Variants in MRTFA observed in about 807,000 individuals in gnomAD.
MRTFA encodes myocardin-related transcription factor A.
Under a neutral mutation model 83.5 loss-of-function variants are expected in MRTFA, and 20 were observed. The ratio of observed to expected loss-of-function variants is 0.24; its 90% CI spans 0.17 to 0.35. The LOEUF (loss-of-function observed/expected upper bound fraction) is 0.35, where lower values mean the gene tolerates loss of function less well. Ranked by LOEUF, MRTFA falls within the 10% of genes least tolerant of loss-of-function variation. The pLI, the probability that MRTFA is intolerant of heterozygous loss-of-function variation, is 1.00. For synonymous variants in MRTFA, 659 were observed against 541.2 expected (o/e 1.22, Z -3.02); for missense variants, 1,200 against 1,224.7 (o/e 0.98, Z 0.30).
rs546756737 is a variant in MRTFA, at chr22:40,554,832, A to C, written c.-21-2465T>G. ...ATGGTAGAGCCACCAGCAGCATGCA[A>C]CCTCAGCGTGGAAAAGCCACAGGGG... On this transcript the variant is annotated intron_variant, in intron 2 of 14. Coordinates refer to ENST00000355630, the MANE Select transcript of MRTFA (RefSeq NM_020831.6). Among the ~76,000 whole-genome samples the C allele has an allele frequency of 3.3e-5, 5 of 152,340 alleles. No homozygotes were observed. The South Asian group carries it at 8.3e-4, about 25-fold the overall frequency.
At chr22:40,475,916 G>A (rs1161964767) in intron 3 of MRTFA, among the ~76,000 whole-genome samples, 15 of 152,204 alleles carry the variant, frequency 9.9e-5, no homozygotes, top group Admixed American at 5.9e-4. Flanking sequence ...AGGCCGAGGC[G>A]GGTGGATCAC....
At chr22:40,460,004 G>A (rs903699338) in intron 4 of MRTFA, among the ~76,000 whole-genome samples, 3 of 151,508 alleles carry the variant, frequency 2.0e-5, no homozygotes, top group Non-Finnish European at 4.4e-5. Context: ...GTGCGGTGGT[G>A]CAAACTCGGC....
intron 3 of MRTFA, among the ~76,000 whole-genome samples, chr22:40,544,185 A>C (rs2055330357): frequency 6.6e-6 from 1 of 152,226 alleles, no homozygotes; most frequent in African/African-American, 2.4e-5. Flanking sequence ...AAAACTCATA[A>C]ACTATAAAAG....
chr22:40,420,365 C>T (rs932632071), intron 11 of MRTFA, 40 bp downstream of exon 11: 2 of 1,596,050 alleles, frequency 1.3e-6, no homozygotes, highest in Admixed American at 1.7e-5. Flanking sequence ...GTGGGAAGGG[C>T]CAGGCTGGCA....
intron 2 of MRTFA, among the ~76,000 whole-genome samples, chr22:40,566,388 T>A (rs1477577532): frequency 6.6e-6 from 1 of 152,000 alleles, no homozygotes; most frequent in Non-Finnish European, 1.5e-5. Context: ...CCTGGCTAAT[T>A]TTTTTGCATT....
chr22:40,414,167 C>G (rs1398454822), intron 14 of MRTFA, among the ~76,000 whole-genome samples: 1 of 152,074 alleles, frequency 6.6e-6, no homozygotes, highest in Non-Finnish European at 1.5e-5. Flanking sequence ...AGTGAAACCC[C>G]GTCTCTACTA....
Position 40,515,744 on chromosome 22 carries a change from T to G in MRTFA, c.241+36362A>C, listed in dbSNP as rs375240335. Among the ~76,000 whole-genome samples, 7 of 152,250 alleles carry G rather than the reference T, an allele frequency of 4.6e-5. No individual in the cohort carries two copies. In the South Asian group the frequency reaches 8.3e-4, roughly 18 times the overall value. ...AATGCAGCCATGCATATCAGGAAAC[T>G]CGCCTACCAGTATATAAGGACAAAT... On this transcript the variant is annotated intron_variant, in intron 3 of 14. Coordinates refer to ENST00000355630, the MANE Select transcript of MRTFA (RefSeq NM_020831.6).
chr22:40,442,161 A>G (rs2053289318), intron 4 of MRTFA, among the ~76,000 whole-genome samples: 1 of 152,100 alleles, frequency 6.6e-6, no homozygotes, highest in Non-Finnish European at 1.5e-5. Context: ...TCATTATGAA[A>G]CCTCATTTCC....
rs116655036 is a variant in MRTFA at position 40,428,896 on chromosome 22, G to A, written c.601+710C>T. Among the ~76,000 whole-genome samples, 1,486 of 151,968 alleles carry A rather than the reference G, an allele frequency of 9.8e-3. 23 individuals carry two copies. Among genetic ancestry groups the A allele is most frequent in the African/African-American group, 0.035 (1,435 of 41,422 alleles). ...CTGGAGCACCGTCCTCTCCTCCCTCGTCCCACCCTCTCCCACACGCTTTCA... is the reference window on the plus strand; with the variant it reads ...CTGGAGCACCGTCCTCTCCTCCCTCATCCCACCCTCTCCCACACGCTTTCA... On this transcript the variant is annotated intron_variant, in intron 7 of 14. Transcript: ENST00000355630.
At chr22:40,551,372 T>C (rs2055441980) in intron 3 of MRTFA, among the ~76,000 whole-genome samples, 1 of 152,098 alleles carries the variant, frequency 6.6e-6, no homozygotes, top group South Asian at 2.1e-4. Context: ...TATTTGTTTG[T>C]TTGTTTGTTT....
In MRTFA at chr22:40,602,780, G is replaced by A. The variant is rs1473624149; in HGVS notation, c.-83-8045C>T. On this transcript the variant is annotated intron_variant, in intron 1 of 14. Coordinates refer to ENST00000355630, the MANE Select transcript of MRTFA (RefSeq NM_020831.6). ...GACATTCACTTGAACCCAGGAGGTG[G>A]AGGTTGCAGCGAGCCAAGATCACAC... 2.0e-5 allele frequency among the ~76,000 whole-genome samples: 3 copies of A among 152,082 alleles called. No individual in the cohort carries two copies. In the East Asian group the frequency reaches 5.8e-4, roughly 29 times the overall value.
chr22:40,577,193 A>C (rs2055879305), intron 2 of MRTFA, among the ~76,000 whole-genome samples: 1 of 148,746 alleles, frequency 6.7e-6, no homozygotes, highest in Non-Finnish European at 1.5e-5. Flanking sequence ...ACTGCACTGC[A>C]CTCATGCACT....
Position 40,411,711 on chromosome 22 carries a change from G to A in MRTFA, c.2775C>T (p.Pro925=). 6.3e-7 allele frequency: 1 copy of A among 1,579,890 alleles called. No homozygotes were observed. The highest frequency in any genetic ancestry group is 8.6e-7 in the Non-Finnish European group (1 of 1,158,604). Residue 925 remains proline, a synonymous_variant, in exon 15 of 15, where the codon CCC becomes CCT. Coordinates refer to ENST00000355630, the MANE Select transcript of MRTFA (RefSeq NM_020831.6). ...GCCCGTCATGCCCACTGGTCAGCAG[G>A]GGCAGCCCCGTGCTGCTCTCCAGGA...
intron 3 of MRTFA, among the ~76,000 whole-genome samples, chr22:40,518,330 T>C (rs2054795389): frequency 2.0e-5 from 3 of 151,086 alleles, no homozygotes; most frequent in Admixed American, 1.3e-4. Flanking sequence ...CCTGTGGGGG[T>C]CTGCACTAAC....
chr22:40,411,960 T>C, intron 14 of MRTFA, 53 bp from the exon 15 acceptor site: 1 of 1,389,176 alleles, frequency 7.2e-7, no homozygotes, highest in Non-Finnish European at 9.4e-7. Flanking sequence ...CCTGTATATC[T>C]ACATGCAAAA....
intron 3 of MRTFA, among the ~76,000 whole-genome samples, chr22:40,547,097 G>A (rs905565963): frequency 6.6e-6 from 1 of 152,084 alleles, no homozygotes; most frequent in South Asian, 2.1e-4. Flanking sequence ...GGAGCTTGCA[G>A]TGAGCCGAGA....
Position 40,636,678 on chromosome 22 carries a change from C to T in MRTFA, c.-284G>A, listed in dbSNP as rs1311945996. ...CTCGCCGCCGCGGCCACCACAGACACTGCCGCCGCCGGCTCCTCTCAGCCA... is the reference window on the plus strand; with the variant it reads ...CTCGCCGCCGCGGCCACCACAGACATTGCCGCCGCCGGCTCCTCTCAGCCA... On this transcript the variant is annotated 5_prime_UTR_variant, in exon 1 of 15. It adds an upstream start codon to the 5' untranslated region. Transcript: ENST00000355630. 6.6e-6 allele frequency: 1 copy of T among 152,446 alleles called. No homozygotes were observed. Among genetic ancestry groups the T allele is most frequent in the Non-Finnish European group, 1.5e-5 (1 of 68,212 alleles). The allele number at this position is 152,446 out of a possible 1,614,324, so 9.4% of individuals were successfully genotyped here.
chr22:40,470,740 G>C (rs1017669830), intron 3 of MRTFA, among the ~76,000 whole-genome samples: 3 of 151,946 alleles, frequency 2.0e-5, no homozygotes, highest in African/African-American at 7.3e-5. Context: ...CCTGAGGTCA[G>C]GAGTTCGAGA....
At chr22:40,583,732 CT>C (rs2055983425) in intron 2 of MRTFA, among the ~76,000 whole-genome samples, 1 of 152,174 alleles carries the variant, frequency 6.6e-6, no homozygotes, top group Admixed American at 6.6e-5. Flanking sequence ...TAGGTTGCAC[CT>C]TTCTTATGAG....
Sources: allele counts gnomAD v4.1 joint callset (sites outside exome capture counted in the v4.1 genomes callset), GRCh38; gene constraint gnomAD v4.1.1; transcripts MANE v1.5; gene names NCBI Gene and HGNC (gene_info 2026-07-23, HGNC 2026-07-21).